Variants in CEP112 observed in about 807,000 individuals in gnomAD.
CEP112 encodes the protein centrosomal protein of 112 kDa.
In CEP112, 127 loss-of-function variants were observed where a neutral mutation model predicts 153.0. The ratio of observed to expected loss-of-function variants is 0.83; its 90% confidence interval spans 0.72 to 0.96. The LOEUF (loss-of-function observed/expected upper bound fraction) is 0.96. Among genes scored for constraint, CEP112 ranks in the 40% least tolerant of loss-of-function variants. The pLI, the probability that CEP112 is intolerant of heterozygous loss-of-function variation, is 0.00. For synonymous variants in CEP112, 358 were observed against 374.4 expected, an observed-to-expected ratio of 0.96 and a Z score of 0.51; for missense variants, 1,089 against 1,101.2, an observed-to-expected ratio of 0.99 and a Z score of 0.16.
chr17:65,671,693 ATGTG>A (rs1237983613), intron 24 of CEP112, among the ~76,000 whole-genome samples: 1 of 152,078 alleles, frequency 6.6e-6, no homozygotes, highest in Non-Finnish European at 1.5e-5. Flanking sequence ...TTGTGTGTGT[ATGTG>A]TGTGTGTATT....
chr17:65,970,446 T>TATATTACATGCATGCACACATGCATGC, intron 17 of CEP112, among the ~76,000 whole-genome samples: 1 of 97,534 alleles, frequency 1.0e-5, no homozygotes, highest in African/African-American at 3.4e-5. Flanking sequence ...ATCATGCATG[T>TATATTACATGCATGCACACATGCATGC]ATATTACATG....
At chr17:65,955,846 T>C (rs2061984118) in intron 18 of CEP112, among the ~76,000 whole-genome samples, 1 of 152,086 alleles carries the variant, frequency 6.6e-6, no homozygotes, top group Admixed American at 6.5e-5. Flanking sequence ...CTCCCAAATG[T>C]ATAAAACAAT....
At chr17:66,038,182 C>T (rs1056587680) in intron 12 of CEP112, among the ~76,000 whole-genome samples, 1 of 151,668 alleles carries the variant, frequency 6.6e-6, no homozygotes, top group Non-Finnish European at 1.5e-5. Flanking sequence ...CCTGCCAAGA[C>T]ATAACTGCTG....
At chr17:65,982,150 A>G (rs1047777770) in intron 17 of CEP112, among the ~76,000 whole-genome samples, 1 of 152,164 alleles carries the variant, frequency 6.6e-6, no homozygotes, top group Non-Finnish European at 1.5e-5. Flanking sequence ...TATGTGTAAT[A>G]ATCACATCAG....
intron 16 of CEP112, among the ~76,000 whole-genome samples, chr17:66,008,539 G>T (rs987219747): frequency 6.6e-6 from 1 of 151,926 alleles, no homozygotes; most frequent in Non-Finnish European, 1.5e-5. Context: ...TAGAATCAGG[G>T]TCTCACTATG....
At chr17:66,011,712 T>A (rs1433813785) in intron 16 of CEP112, among the ~76,000 whole-genome samples, 1 of 152,142 alleles carries the variant, frequency 6.6e-6, no homozygotes, top group Non-Finnish European at 1.5e-5. Context: ...TAGAGTGTTA[T>A]GTAGATGTTA....
At chr17:65,731,173 T>C (rs1259842425) in intron 23 of CEP112, among the ~76,000 whole-genome samples, 1 of 152,116 alleles carries the variant, frequency 6.6e-6, no homozygotes, top group African/African-American at 2.4e-5. Flanking sequence ...GCATTGCCCC[T>C]GGAGTATACA....
At chr17:65,644,229 G>C (rs1306178356) in intron 24 of CEP112, 1 of 645,966 alleles carries the variant, frequency 1.5e-6, no homozygotes, top group Non-Finnish European at 2.8e-6. Context: ...GGGGGAACTG[G>C]GGCATGAACT....
intron 18 of CEP112, among the ~76,000 whole-genome samples, chr17:65,955,692 G>A (rs1298926055): frequency 2.6e-5 from 4 of 152,144 alleles, no homozygotes; most frequent in Admixed American, 2.6e-4. Context: ...AAGCGAGCAG[G>A]AGTAGCTATT....
intron 15 of CEP112, 118 bp from the exon 16 acceptor site, chr17:66,027,678 C>A: frequency 1.3e-6 from 1 of 777,476 alleles, no homozygotes; most frequent in Non-Finnish European, 1.8e-6. Flanking sequence ...CAGAGTTTTG[C>A]ATATGATTAA....
Position 65,641,486 on chromosome 17 carries a change from G to C in CEP112, c.2698-421C>G, listed in dbSNP as rs536921916. 1.1e-4 allele frequency among the ~76,000 whole-genome samples: 17 copies of C among 152,296 alleles called. No individual in the cohort carries two copies. In the East Asian group the frequency reaches 3.3e-3, roughly 29 times the overall value. ...TGCTTTGATGAAAATACTCCTTGAG[G>C]GGGTGGTGGCTCACGCCTGTAGTCC... is the stretch of plus-strand genomic sequence containing the variant. On this transcript the variant is annotated intron_variant, in intron 24 of 26. Coordinates refer to ENST00000535342, the MANE Select transcript of CEP112 (RefSeq NM_001199165.4).
intron 21 of CEP112, chr17:65,826,220 T>C (rs1437257240): frequency 6.2e-7 from 1 of 1,614,190 alleles, no homozygotes; most frequent in African/African-American, 1.3e-5. Flanking sequence ...GACATTACCA[T>C]TCTCTTCTCT....
intron 23 of CEP112, among the ~76,000 whole-genome samples, chr17:65,705,252 G>A (rs984466021): frequency 2.6e-5 from 4 of 152,196 alleles, no homozygotes; most frequent in African/African-American, 9.7e-5. Flanking sequence ...GCCACTTCAA[G>A]TGAGGCTGTG....
At chr17:65,960,464 A>G (rs2062159903) in intron 18 of CEP112, among the ~76,000 whole-genome samples, 1 of 152,210 alleles carries the variant, frequency 6.6e-6, no homozygotes, top group African/African-American at 2.4e-5. Flanking sequence ...TAATGCAGCC[A>G]TCTCCAGTAT....
chr17:65,869,302 T>C (rs907756345), intron 20 of CEP112, among the ~76,000 whole-genome samples: 1 of 152,244 alleles, frequency 6.6e-6, no homozygotes, highest in Non-Finnish European at 1.5e-5. Flanking sequence ...GAAGTGCATG[T>C]GTGTTTTTCA....
intron 17 of CEP112, among the ~76,000 whole-genome samples, chr17:65,970,942 T>A (rs1450466884): frequency 1.5e-5 from 2 of 137,924 alleles, no homozygotes; most frequent in Non-Finnish European, 3.2e-5. Context: ...GCACCCATAT[T>A]ATATTACATA....
At chr17:65,738,648 AAATT>A (rs2050941771) in intron 23 of CEP112, among the ~76,000 whole-genome samples, 1 of 152,152 alleles carries the variant, frequency 6.6e-6, no homozygotes, top group Non-Finnish European at 1.5e-5. Flanking sequence ...CTTGCATTTT[AAATT>A]ATTTATAAAT....
Position 66,129,782 on chromosome 17 carries a change from A to G in CEP112, c.606T>C (p.Ser202=). ...SKKSPVSLDD[S]DIEARLNSWN... ...AACTATTAAGGCGAGCTTCAATGTC[A>G]CTATCATCCAAAGAAACAGGAGATT... Residue 202 remains serine (S), a synonymous_variant, in exon 6 of 27, where the codon AGT becomes AGC. Transcript: ENST00000535342. 3 of 1,612,840 alleles carry G rather than the reference A, an allele frequency of 1.9e-6. No individual in the cohort carries two copies. Among genetic ancestry groups the G allele is most frequent in the Non-Finnish European group, 2.5e-6 (3 of 1,179,440 alleles).
intron 24 of CEP112, among the ~76,000 whole-genome samples, chr17:65,686,052 T>C (rs2047771049): frequency 6.6e-6 from 1 of 151,794 alleles, no homozygotes; most frequent in Non-Finnish European, 1.5e-5. Context: ...AAGTTAAATA[T>C]GGATGAATAG....
Sources: allele counts gnomAD v4.1 joint callset (sites outside exome capture counted in the v4.1 genomes callset), GRCh38; gene constraint gnomAD v4.1.1; transcripts MANE v1.5; gene names NCBI Gene and HGNC (gene_info 2026-07-23, HGNC 2026-07-21).